Variants in ZCCHC8 observed in about 807,000 individuals in gnomAD.
The protein encoded by ZCCHC8 is zinc finger CCHC-type containing 8.
Under a neutral mutation model 70.6 loss-of-function variants are expected in ZCCHC8, and 27 were observed. That is an observed-to-expected ratio of 0.38 (90% CI 0.28 to 0.53). The LOEUF (loss-of-function observed/expected upper bound fraction) is 0.53, where lower values mean the gene tolerates loss of function less well. ZCCHC8 is among the 20% of genes least tolerant of loss of function. The pLI, the probability that ZCCHC8 is intolerant of heterozygous loss-of-function variation, is 0.81. For missense variants in ZCCHC8, 737 were observed against 876.9 expected (o/e 0.84, Z 2.01); for synonymous variants, 293 against 317.4 (o/e 0.92, Z 0.82).
chr12:122,498,752 C>T lies in ZCCHC8; in HGVS notation c.242+75G>A, dbSNP rs1377547373. ...CAAAAATCCCATACACTTTTTACAA[C>T]GAAATTCTGATTAAATATTAATATC... On this transcript the variant is annotated intron_variant, in intron 2 of 13. Transcript: ENST00000633063. 3.1e-5 allele frequency: 45 copies of T among 1,439,482 alleles called. No homozygotes were observed. The African/African-American group carries it at 3.3e-4, about 10-fold the overall frequency. 89.2% of individuals were successfully genotyped at this position (1,439,482 alleles called of 1,614,324 possible).
At chr12:122,474,372 TG>T in intron 13 of ZCCHC8, 97 bp from the exon 14 acceptor site, 1 of 1,138,460 alleles carries the variant, frequency 8.8e-7, no homozygotes, top group Non-Finnish European at 1.1e-6. Flanking sequence ...AGTAATTCAA[TG>T]GCCAAAAATA....
chr12:122,487,869 ATATTT>A (rs1957670645), intron 5 of ZCCHC8, among the ~76,000 whole-genome samples: 1 of 151,378 alleles, frequency 6.6e-6, no homozygotes, highest in Admixed American at 6.6e-5. Flanking sequence ...ATATATATAT[ATATTT>A]TGTTTGTTTG....
At chr12:122,487,871 A>T (rs1003650870) in intron 5 of ZCCHC8, among the ~76,000 whole-genome samples, 10 of 151,076 alleles carry the variant, frequency 6.6e-5, no homozygotes, top group African/African-American at 1.2e-4. Flanking sequence ...ATATATATAT[A>T]TTTTGTTTGT....
chr12:122,482,675 T>C lies in ZCCHC8; in HGVS notation c.692A>G (p.Asn231Ser), dbSNP rs911132535. The C allele has an allele frequency of 4.4e-6, 7 of 1,608,026 alleles. No homozygotes were observed. Among genetic ancestry groups the C allele is most frequent in the African/African-American group, 1.3e-5 (1 of 74,848 alleles). ...CATTTGGTGTTCTTCAGAACCACAA[T>C]TGAAACAGTGAGGCTTTGGCCTATT... The part of the protein sequence containing the change: ...KAKRPKPHCF[N>S]CGSEEHQMKD... The change falls in exon 8 of 14, where the codon AAT becomes AGT. Residue 231 changes from asparagine to serine, a missense_variant. Asn to Ser is a conservative substitution (Grantham distance 46, BLOSUM62 1). Coordinates refer to ENST00000633063, the MANE Select transcript of ZCCHC8 (RefSeq NM_017612.5).
chr12:122,473,576 G>A lies in ZCCHC8; in HGVS notation c.2045C>T (p.Thr682Ile). Reference sequence around the variant, plus strand: ...GCTTCTTATCCTGAGGTACATTCCAGTAGATTCTGCCATATTCTCAAATTC... The same window carrying A: ...GCTTCTTATCCTGAGGTACATTCCAATAGATTCTGCCATATTCTCAAATTC... Reference protein sequence around the residue: ...PFEFENMAESTGMYLRIRSLL... With the variant: ...PFEFENMAESIGMYLRIRSLL... The change falls in exon 14 of 14, where the codon ACT (threonine) becomes ATT (isoleucine). Residue 682 changes from threonine (T) to isoleucine (I), a missense_variant. Thr to Ile is a moderately conservative substitution (Grantham distance 89, BLOSUM62 -1). Coordinates refer to ENST00000633063, the MANE Select transcript of ZCCHC8 (RefSeq NM_017612.5). 1 of 1,613,996 alleles carries A rather than the reference G, an allele frequency of 6.2e-7. No individual in the cohort carries two copies. The highest frequency in any genetic ancestry group is 8.5e-7 in the Non-Finnish European group (1 of 1,179,908).
Position 122,500,745 on chromosome 12 carries a change from C to G in ZCCHC8, c.96G>C (p.Lys32Asn), listed in dbSNP as rs752606373. 1 of 1,587,240 alleles carries G rather than the reference C, an allele frequency of 6.3e-7. No individual in the cohort carries two copies. Among genetic ancestry groups the G allele is most frequent in the South Asian group, 1.2e-5 (1 of 86,944 alleles). The part of the protein sequence containing the change: ...SIPKPVHTRF[K>N]DDDGDEEDEN... Reference sequence around the variant, plus strand: ...CGTCCTCCTCGTCGCCGTCGTCGTCCTTGAAGCGAGTGTGAACGGGCTTCG... The same window carrying G: ...CGTCCTCCTCGTCGCCGTCGTCGTCGTTGAAGCGAGTGTGAACGGGCTTCG... The change falls in exon 1 of 14, where the codon AAG becomes AAC. Residue 32 changes from lysine to asparagine, a missense_variant. Coordinates refer to ENST00000633063, the MANE Select transcript of ZCCHC8 (RefSeq NM_017612.5). This position sits in a 1 kb window ranked among gnomAD's most constrained non-coding sequence, Gnocchi z 4.8.
chr12:122,500,605 C>A lies in ZCCHC8; in HGVS notation c.199+37G>T, dbSNP rs1355663235. Reference sequence around the variant, plus strand: ...CACGCCTGGCGCTGCCCCGGCCCCACACCCGGGTGACAGGGCCCAGCGAGA... The same window carrying A: ...CACGCCTGGCGCTGCCCCGGCCCCAAACCCGGGTGACAGGGCCCAGCGAGA... On this transcript the variant is annotated intron_variant, in intron 1 of 13. Transcript: ENST00000633063. This position sits in a 1 kb window ranked among gnomAD's most constrained non-coding sequence, Gnocchi z 4.8. 5.9e-6 allele frequency: 9 copies of A among 1,531,078 alleles called. No homozygotes were observed. Among genetic ancestry groups the A allele is most frequent in the Non-Finnish European group, 7.9e-6 (9 of 1,139,770 alleles). 94.8% of individuals were successfully genotyped at this position (1,531,078 alleles called of 1,614,324 possible).
At position 122,483,295 on chromosome 12, in the gene ZCCHC8, G is replaced by A; in HGVS notation, c.655C>T (p.Gln219Ter). ...CACACAAACCTTTTTGCCTTTACTT[G>A]TATTTCTTGCCCTTCTAGAGAAACA... ...HIVSLEGQEI[Q>*]VKAKRPKPHC... Residue 219 changes from glutamine (Q) to a stop codon, truncating the protein, a stop_gained, in exon 7 of 14, where the codon CAA becomes TAA. Coordinates refer to ENST00000633063, the MANE Select transcript of ZCCHC8 (RefSeq NM_017612.5). LOFTEE classifies it high-confidence loss of function. The surrounding 1 kb of genome is among the most constrained non-coding windows in gnomAD (Gnocchi z 4.4). 6.3e-7 allele frequency: 1 copy of A among 1,598,412 alleles called. No individual in the cohort carries two copies. Among genetic ancestry groups the A allele is most frequent in the African/African-American group, 1.3e-5 (1 of 74,748 alleles).
At chr12:122,494,404 T>A (rs1244865875) in intron 2 of ZCCHC8, among the ~76,000 whole-genome samples, 18 of 142,414 alleles carry the variant, frequency 1.3e-4, no homozygotes, top group African/African-American at 3.7e-4. Flanking sequence ...AAAAAAAAAA[T>A]ACAAAAATTA....
chr12:122,482,933 T>G, intron 7 of ZCCHC8: 1 of 524,246 alleles, frequency 1.9e-6, no homozygotes, highest in East Asian at 3.1e-5. Context: ...TTACCTCTTT[T>G]GAGTTTTTTC....
At chr12:122,480,473 C>CTT (rs63098963) in intron 10 of ZCCHC8, 162 bp from the exon 11 acceptor site, 11,861 of 330,032 alleles carry the variant, frequency 0.036, 14 homozygotes, top group Middle Eastern at 0.051. Context: ...TAGGACAGAA[C>CTT]TTTTTTTTTT....
In ZCCHC8 at chr12:122,500,517, G is replaced by C. The variant is rs1957907355; in HGVS notation, c.199+125C>G. The stretch of plus-strand genomic sequence containing the variant: ...GCCGGCGGGTGACAGAAAGCACTTG[G>C]AATTCTGGCCCTCCTGGAACTTCCG... On this transcript the variant is annotated intron_variant, in intron 1 of 13. Transcript: ENST00000633063. The surrounding 1 kb of genome is among the most constrained non-coding windows in gnomAD (Gnocchi z 4.8). The C allele has an allele frequency of 8.2e-7, 1 of 1,223,584 alleles. No individual in the cohort carries two copies. Among genetic ancestry groups the C allele is most frequent in the South Asian group, 1.6e-5 (1 of 63,822 alleles). 75.8% of individuals were successfully genotyped at this position (1,223,584 alleles called of 1,614,324 possible).
Position 122,483,386 on chromosome 12 carries a change from A to C in ZCCHC8, c.606-42T>G. On this transcript the variant is annotated intron_variant, in intron 6 of 13. Coordinates refer to ENST00000633063, the MANE Select transcript of ZCCHC8 (RefSeq NM_017612.5). This position sits in a 1 kb window ranked among gnomAD's most constrained non-coding sequence, Gnocchi z 4.4. ...TAAGGAATAGTTATCATGGTCTGCA[A>C]AATTTGGAAATTGTTTTAAAGGTGA... 2 of 1,571,980 alleles carry C rather than the reference A, an allele frequency of 1.3e-6. No individual in the cohort carries two copies. Among genetic ancestry groups the C allele is most frequent in the Non-Finnish European group, 1.7e-6 (2 of 1,156,698 alleles).
At chr12:122,489,208 G>T (rs375533476) in intron 5 of ZCCHC8, among the ~76,000 whole-genome samples, 178 bp downstream of exon 5, 1 of 152,218 alleles carries the variant, frequency 6.6e-6, no homozygotes, top group Non-Finnish European at 1.5e-5. Context: ...AGGTCACAAC[G>T]CAATCATTAT....
At position 122,489,472 on chromosome 12, in the gene ZCCHC8, A is replaced by T; in HGVS notation, c.424-9T>A. On this transcript the variant is annotated splice_polypyrimidine_tract_variant and intron_variant, in intron 4 of 13. Transcript: ENST00000633063. The stretch of plus-strand genomic sequence containing the variant: ...AGCACAATACTGGATGGCTAATACA[A>T]AGAAAAACACATATTACAACCGGTA... The T allele has an allele frequency of 6.2e-7, 1 of 1,612,790 alleles. No individual in the cohort carries two copies.
At chr12:122,479,646 G>T (rs1036593458) in intron 11 of ZCCHC8, among the ~76,000 whole-genome samples, 2 of 152,098 alleles carry the variant, frequency 1.3e-5, no homozygotes, top group Non-Finnish European at 2.9e-5. Context: ...CTTTTAAAAT[G>T]TTAGAGTACT....
chr12:122,474,163 A>C lies in ZCCHC8; in HGVS notation c.1458T>G (p.Pro486=). The C allele has an allele frequency of 6.6e-7, 1 of 1,514,958 alleles. No individual in the cohort carries two copies. Among genetic ancestry groups the C allele is most frequent in the Non-Finnish European group, 8.8e-7 (1 of 1,138,862 alleles). 93.8% of individuals were successfully genotyped at this position (1,514,958 alleles called of 1,614,324 possible). ...PRGTPPPVFT[P]PLPKGTPPLT... ...GCGGCGGGGTGCCCTTTGGGAGTGG[A>C]GGGGTGAAGACGGGTGGAGGAGTTC... Residue 486 remains proline (P), a synonymous_variant, in exon 14 of 14, where the codon CCT becomes CCG. Coordinates refer to ENST00000633063, the MANE Select transcript of ZCCHC8 (RefSeq NM_017612.5).
chr12:122,480,474 T>C, intron 10 of ZCCHC8, 163 bp from the exon 11 acceptor site: 1 of 113,152 alleles, frequency 8.8e-6, no homozygotes. Context: ...AGGACAGAAC[T>C]TTTTTTTTTT....
intron 13 of ZCCHC8, among the ~76,000 whole-genome samples, chr12:122,475,138 C>T (rs1242892221): frequency 2.0e-5 from 3 of 152,136 alleles, no homozygotes; most frequent in Non-Finnish European, 2.9e-5. Flanking sequence ...ACCTCTGCCT[C>T]CCGGGTTCAA....
Sources: gnomAD v4.1 joint callset for allele counts (sites outside exome capture counted in the v4.1 genomes callset) on GRCh38, gnomAD v4.1.1 for gene constraint, Gnocchi (gnomAD v3.1) non-coding constraint, MANE v1.5 for transcripts, NCBI Gene and HGNC (gene_info 2026-07-23, HGNC 2026-07-21) for gene names.